The following SLC25A21 variants were observed in gnomAD, a reference collection of about 807,000 sequenced individuals.
The protein encoded by SLC25A21 is mitochondrial 2-oxodicarboxylate carrier.
In SLC25A21, 47 loss-of-function variants were observed where a neutral mutation model predicts 43.8. That is an observed-to-expected ratio of 1.07 (90% confidence interval 0.85 to 1.37). The LOEUF is 1.37. SLC25A21 is among the 40% of genes most tolerant of loss of function. The probability of loss-of-function intolerance (pLI) is 0.00; values close to 1 mark genes in which losing one functional copy is unlikely to be tolerated. For missense variants in SLC25A21, 352 were observed against 350.2 expected (o/e 1.00, Z -0.04); for synonymous variants, 131 against 121.3 (o/e 1.08, Z -0.52).
chr14:36,982,820 AAAC>A (rs985558222), intron 1 of SLC25A21, among the ~76,000 whole-genome samples: 5 of 138,566 alleles, frequency 3.6e-5, no homozygotes, highest in Admixed American at 6.8e-5. Context: ...TCTCAACAAA[AAAC>A]AACAACAACA....
At chr14:36,871,120 C>T (rs1890359337) in intron 2 of SLC25A21, among the ~76,000 whole-genome samples, 1 of 151,950 alleles carries the variant, frequency 6.6e-6, no homozygotes, top group African/African-American at 2.4e-5. Flanking sequence ...ATGTTTGTGC[C>T]CCTGCCCCCC....
At chr14:37,061,031 G>A (rs1021713305) in intron 1 of SLC25A21, among the ~76,000 whole-genome samples, 6 of 152,166 alleles carry the variant, frequency 3.9e-5, no homozygotes, top group Non-Finnish European at 8.8e-5. Flanking sequence ...AGTGAATGCA[G>A]GTGGTTGGAA....
rs373141738 is a variant in SLC25A21 at position 36,880,134 on chromosome 14, G to T, written c.71-5130C>A. On this transcript the variant is annotated intron_variant, in intron 1 of 9. Transcript: ENST00000331299. ...CTGCTCAGCATCACAATGTGACTAA[G>T]TTCTGGCCAAAGGGATGTAAGGGAA... is the stretch of plus-strand genomic sequence containing the variant. Among the ~76,000 whole-genome samples the T allele has an allele frequency of 2.2e-4, 34 of 152,240 alleles. No individual in the cohort carries two copies. In the East Asian group the frequency reaches 3.9e-3, roughly 17 times the overall value.
chr14:37,054,410 T>G (rs2138802433), intron 1 of SLC25A21, among the ~76,000 whole-genome samples: 1 of 152,342 alleles, frequency 6.6e-6, no homozygotes, highest in South Asian at 2.1e-4. Context: ...ACAATTTTTT[T>G]GTTGTTGTAA....
intron 7 of SLC25A21, among the ~76,000 whole-genome samples, chr14:36,688,902 T>G (rs1033169840): frequency 6.6e-6 from 1 of 152,228 alleles, no homozygotes; most frequent in African/African-American, 2.4e-5. Context: ...TACATCCGAG[T>G]GAACCCAAGA....
intron 1 of SLC25A21, among the ~76,000 whole-genome samples, chr14:37,106,255 C>T (rs1962910657): frequency 1.3e-5 from 2 of 152,040 alleles, no homozygotes; most frequent in Admixed American, 1.3e-4. Flanking sequence ...AAAAGAGCCA[C>T]ATTTTTCTTC....
intron 3 of SLC25A21, among the ~76,000 whole-genome samples, chr14:36,781,168 G>A (rs1418965397): frequency 4.6e-5 from 7 of 152,142 alleles, no homozygotes; most frequent in Non-Finnish European, 5.9e-5. Flanking sequence ...TTCCATTTGC[G>A]TGTTATAACT....
intron 3 of SLC25A21, among the ~76,000 whole-genome samples, chr14:36,740,570 T>C (rs1392492186): frequency 6.6e-6 from 1 of 152,206 alleles, no homozygotes; most frequent in Admixed American, 6.5e-5. Flanking sequence ...CATAGCTTAT[T>C]TGAAGTACAG....
At chr14:37,123,335 A>T (rs2138894610) in intron 1 of SLC25A21, among the ~76,000 whole-genome samples, 1 of 152,304 alleles carries the variant, frequency 6.6e-6, no homozygotes, top group Non-Finnish European at 1.5e-5. Context: ...GAAAACAAGC[A>T]CCTATAACTG....
intron 1 of SLC25A21, among the ~76,000 whole-genome samples, chr14:37,055,317 A>T (rs150729780): frequency 4.1e-4 from 62 of 152,320 alleles, no homozygotes; most frequent in African/African-American, 1.4e-3. Context: ...TGGGGAAGGA[A>T]ATAACTATAT....
chr14:36,973,275 G>A (rs1422390281), intron 1 of SLC25A21, among the ~76,000 whole-genome samples: 1 of 152,086 alleles, frequency 6.6e-6, no homozygotes, highest in Non-Finnish European at 1.5e-5. Context: ...GTAGGGGGAT[G>A]GCAATGGTGG....
intron 1 of SLC25A21, among the ~76,000 whole-genome samples, chr14:37,000,809 GCT>G (rs138981666): frequency 0.02 from 2,972 of 151,956 alleles, 93 homozygotes; most frequent in African/African-American, 0.067. Context: ...TCACTGCCTC[GCT>G]CTCCCTGCTC....
chr14:37,098,722 TAGATAGATAGATAGATAGATAGATAGAC>T (rs200341402), intron 1 of SLC25A21, among the ~76,000 whole-genome samples: 2,463 of 126,842 alleles, frequency 0.019, 50 homozygotes, highest in East Asian at 0.076. Context: ...GATAGATAGA[TAGATAGATAGATAGATAGATAGATAGAC>T]AGACAGACAG....
chr14:36,986,919 T>A (rs891843498), intron 1 of SLC25A21, among the ~76,000 whole-genome samples: 1 of 152,126 alleles, frequency 6.6e-6, no homozygotes, highest in Non-Finnish European at 1.5e-5. Context: ...CCATATTTTG[T>A]CTTTATGTGT....
intron 1 of SLC25A21, among the ~76,000 whole-genome samples, chr14:36,994,864 T>G (rs17105891): frequency 6.6e-6 from 1 of 152,242 alleles, no homozygotes; most frequent in Admixed American, 6.5e-5. Context: ...TCTTGAAAAT[T>G]TCAAGTTGAG....
chr14:36,805,482 C>T (rs1471936503), intron 3 of SLC25A21, among the ~76,000 whole-genome samples: 1 of 152,162 alleles, frequency 6.6e-6, no homozygotes, highest in Non-Finnish European at 1.5e-5. Flanking sequence ...TCTGCAAATT[C>T]ATCATCTGCT....
At position 36,870,641 on chromosome 14, in the gene SLC25A21, C is replaced by T. The variant is rs369980123; in HGVS notation, c.119+4315G>A. The T allele has an allele frequency of 5.9e-5, 9 of 152,308 alleles. No homozygotes were observed. In the South Asian group the frequency reaches 6.2e-4, roughly 11 times the overall value. The allele number at this position is 152,308 out of a possible 1,614,324, so 9.4% of individuals were successfully genotyped here. ...AAGACCCTGCTTCCAAATAAAGTCA[C>T]CTTCTGAGGTTCTGGGAAGGATGTG... On this transcript the variant is annotated intron_variant, in intron 2 of 9. Transcript: ENST00000331299.
intron 3 of SLC25A21, among the ~76,000 whole-genome samples, chr14:36,802,876 T>C (rs753702970): frequency 7.2e-5 from 11 of 152,152 alleles, no homozygotes; most frequent in Non-Finnish European, 1.5e-4. Context: ...GTAATGATAG[T>C]GGGTGAGATA....
At chr14:37,040,420 A>AAAGAAAGG in intron 1 of SLC25A21, among the ~76,000 whole-genome samples, 1 of 101,382 alleles carries the variant, frequency 9.9e-6, no homozygotes, top group Non-Finnish European at 1.8e-5. Flanking sequence ...AGAAAGAAAG[A>AAAGAAAGG]AAGAAAGAAA....
Sources: gnomAD v4.1 joint callset for allele counts (sites outside exome capture counted in the v4.1 genomes callset) on GRCh38, gnomAD v4.1.1 for gene constraint, MANE v1.5 for transcripts, NCBI Gene and HGNC (gene_info 2026-07-23, HGNC 2026-07-21) for gene names.